ANP32A: variants seen among roughly 807,000 people sequenced by gnomAD.
The protein encoded by ANP32A is acidic leucine-rich nuclear phosphoprotein 32 family member A.
A neutral mutation model predicts 33.9 loss-of-function variants in ANP32A; 1 was observed. The ratio of observed to expected loss-of-function variants is 0.03; its 90% CI spans 0.01 to 0.14. The LOEUF (loss-of-function observed/expected upper bound fraction) is 0.14, where lower values mean the gene tolerates loss of function less well. Ranked by LOEUF, ANP32A falls within the 10% of genes least tolerant of loss-of-function variation. The probability of loss-of-function intolerance (pLI) is 1.00; values close to 1 mark genes in which losing one functional copy is unlikely to be tolerated. For missense variants in ANP32A, 155 were observed against 306.0 expected (o/e 0.51, Z 3.68); for synonymous variants, 115 against 120.5 (o/e 0.95, Z 0.30).
At chr15:68,795,552 G>C (rs542360472) in intron 1 of ANP32A, among the ~76,000 whole-genome samples, 1 of 152,178 alleles carries the variant, frequency 6.6e-6, no homozygotes, top group African/African-American at 2.4e-5. Flanking sequence ...GCCTGGAACC[G>C]GCTTCCTCTG....
At chr15:68,810,700 T>C (rs1031359616) in intron 1 of ANP32A, among the ~76,000 whole-genome samples, 2 of 152,026 alleles carry the variant, frequency 1.3e-5, no homozygotes, top group African/African-American at 4.8e-5. Context: ...CACCAGAAAC[T>C]GAGCAGTGAC....
chr15:68,804,609 T>C (rs1005333625), intron 1 of ANP32A, among the ~76,000 whole-genome samples: 1 of 152,174 alleles, frequency 6.6e-6, no homozygotes, highest in Non-Finnish European at 1.5e-5. Flanking sequence ...CTCGGTTCAC[T>C]GCAACCTCTG....
chr15:68,797,708 T>C (rs1894081737), intron 1 of ANP32A, among the ~76,000 whole-genome samples: 1 of 152,142 alleles, frequency 6.6e-6, no homozygotes, highest in South Asian at 2.1e-4. Flanking sequence ...ACAAAGTGCT[T>C]CTCCCCTCAT....
chr15:68,806,803 C>T (rs895829763), intron 1 of ANP32A, among the ~76,000 whole-genome samples: 9 of 152,244 alleles, frequency 5.9e-5, no homozygotes, highest in South Asian at 2.1e-4. Flanking sequence ...GTGGAAGGAA[C>T]GCCTGGGTGG....
chr15:68,778,964 T>A lies in ANP32A; in HGVS notation c.*1117A>T, dbSNP rs557351243. 1.3e-5 allele frequency: 2 copies of A among 152,148 alleles called. No individual in the cohort carries two copies. Among genetic ancestry groups the A allele is most frequent in the Admixed American group, 6.5e-5 (1 of 15,270 alleles). 9.4% of individuals were successfully genotyped at this position (152,148 alleles called of 1,614,324 possible). A position where few individuals can be genotyped will look rare whatever the true frequency, so the allele number is the denominator to read the frequency against. On this transcript the variant is annotated 3_prime_UTR_variant, in exon 7 of 7. Coordinates refer to ENST00000465139, the MANE Select transcript of ANP32A (RefSeq NM_006305.4). ...GACAAACAGACATAAAACTCAAAGTTTGGCTCTTCTGAGGGGCAGGAGAAA... is the reference window on the plus strand; with the variant it reads ...GACAAACAGACATAAAACTCAAAGTATGGCTCTTCTGAGGGGCAGGAGAAA...
intron 5 of ANP32A, chr15:68,782,646 G>A (rs745556938): frequency 2.4e-4 from 84 of 353,306 alleles, no homozygotes; most frequent in Non-Finnish European, 3.0e-4. Flanking sequence ...AAAGCAAAAA[G>A]CAGAAAATGG....
In ANP32A at chr15:68,780,070, G is replaced by A. The variant is rs1893847589; in HGVS notation, c.*11C>T. The A allele has an allele frequency of 1.9e-6, 3 of 1,612,884 alleles. No individual in the cohort carries two copies. Among genetic ancestry groups the A allele is most frequent in the Non-Finnish European group, 2.5e-6 (3 of 1,179,292 alleles). ...ATCACAATAGGAATTTTTCAAAATA[G>A]GTTATTCCACTTAGTCATCATCTTC... On this transcript the variant is annotated 3_prime_UTR_variant, in exon 7 of 7. Coordinates refer to ENST00000465139, the MANE Select transcript of ANP32A (RefSeq NM_006305.4). This position sits in a 1 kb window ranked among gnomAD's most constrained non-coding sequence, Gnocchi z 4.3.
rs1893886687 is a variant in ANP32A at position 68,782,857 on chromosome 15, T to C, written c.624+99A>G. 2.0e-6 allele frequency: 3 copies of C among 1,506,754 alleles called. No homozygotes were observed. In the African/African-American group the frequency reaches 4.2e-5, roughly 21 times the overall value. The allele number at this position is 1,506,754 out of a possible 1,614,324, so 93.3% of individuals were successfully genotyped here. ...ACTACCCATCGGGGAGCGACTTTCC[T>C]AACCAGGGCTCCGGGGCTGCCAAGA... On this transcript the variant is annotated intron_variant, in intron 5 of 6. Transcript: ENST00000465139.
chr15:68,811,521 T>C (rs1328004925), intron 1 of ANP32A, among the ~76,000 whole-genome samples: 2 of 152,066 alleles, frequency 1.3e-5, no homozygotes, highest in East Asian at 1.9e-4. Flanking sequence ...GGTGGAGGCC[T>C]GAAATAGCTG....
Position 68,812,417 on chromosome 15 carries a change from G to A in ANP32A, c.54+8281C>T, listed in dbSNP as rs551462109. ...ATGGGGGGCCACTGGCACCAGGAAC[G>A]TTGGAAGGCACCCGTCTGGGGTAGG... On this transcript the variant is annotated intron_variant, in intron 1 of 6. Transcript: ENST00000465139. Among the ~76,000 whole-genome samples the A allele has an allele frequency of 5.3e-4, 81 of 152,308 alleles. 2 individuals carry two copies. In the South Asian group the frequency reaches 0.014, roughly 26 times the overall value.
Position 68,820,776 on chromosome 15 carries a change from G to A in ANP32A, c.-25C>T. The A allele has an allele frequency of 3.1e-6, 5 of 1,613,902 alleles. No individual in the cohort carries two copies. Among genetic ancestry groups the A allele is most frequent in the Non-Finnish European group, 4.2e-6 (5 of 1,179,866 alleles). ...TCTCTCGCGCTCTCTCTCTGCAGAGGCTCCCGCGCCGGCGGAATTCAATCA... is the reference window on the plus strand; with the variant it reads ...TCTCTCGCGCTCTCTCTCTGCAGAGACTCCCGCGCCGGCGGAATTCAATCA... On this transcript the variant is annotated 5_prime_UTR_variant, in exon 1 of 7. Transcript: ENST00000465139.
chr15:68,810,413 A>T (rs534126653), intron 1 of ANP32A, among the ~76,000 whole-genome samples: 255 of 151,956 alleles, frequency 1.7e-3, no homozygotes, highest in African/African-American at 6.0e-3. Context: ...GAGGATCATG[A>T]GTGTGTGTGT....
intron 1 of ANP32A, among the ~76,000 whole-genome samples, chr15:68,793,158 G>A (rs1156654513): frequency 2.0e-5 from 3 of 152,166 alleles, no homozygotes; most frequent in South Asian, 2.1e-4. Context: ...ACTGTCCTCC[G>A]TAATCAGCCT....
intron 1 of ANP32A, chr15:68,791,496 G>A (rs1251501313): frequency 2.0e-5 from 3 of 152,684 alleles, no homozygotes; most frequent in Non-Finnish European, 4.4e-5. Flanking sequence ...CACCCCTAGA[G>A]GTCTCTGCTC....
At chr15:68,816,956 TAGGC>T (rs1894390748) in intron 1 of ANP32A, among the ~76,000 whole-genome samples, 1 of 152,138 alleles carries the variant, frequency 6.6e-6, no homozygotes, top group Admixed American at 6.5e-5. Context: ...TGAACCCAAT[TAGGC>T]AGTAAGTCAG....
intron 1 of ANP32A, among the ~76,000 whole-genome samples, chr15:68,796,907 C>A (rs1222591354): frequency 6.6e-6 from 1 of 152,048 alleles, no homozygotes. Flanking sequence ...GAGTGCCCAC[C>A]CCACATTCAA....
At chr15:68,784,111 T>C (rs911750043) in intron 4 of ANP32A, among the ~76,000 whole-genome samples, 3 of 152,178 alleles carry the variant, frequency 2.0e-5, no homozygotes, top group Admixed American at 6.5e-5. Flanking sequence ...AAAGGAGTTA[T>C]TATGCAGTTG....
At chr15:68,787,137 T>G in intron 3 of ANP32A, 1 of 384,290 alleles carries the variant, frequency 2.6e-6, no homozygotes, top group East Asian at 5.2e-5. Context: ...AGAAACTGAG[T>G]GGAAAAGCAG....
intron 1 of ANP32A, among the ~76,000 whole-genome samples, chr15:68,797,229 C>A (rs759445348): frequency 2.0e-5 from 3 of 152,172 alleles, no homozygotes; most frequent in Non-Finnish European, 4.4e-5. Flanking sequence ...CATCTGATGT[C>A]TATCCTCTCA....
Sources: allele counts gnomAD v4.1 joint callset (sites outside exome capture counted in the v4.1 genomes callset), GRCh38; gene constraint gnomAD v4.1.1; non-coding constraint Gnocchi (gnomAD v3.1); transcripts MANE v1.5; gene names NCBI Gene and HGNC (gene_info 2026-07-23, HGNC 2026-07-21).